LSM1: variants seen among roughly 807,000 people sequenced by gnomAD.
LSM1 encodes U6 snRNA-associated Sm-like protein LSm1.
A neutral mutation model predicts 18.0 loss-of-function variants in LSM1; 13 were observed. The ratio of observed to expected loss-of-function variants is 0.72; its 90% confidence interval spans 0.47 to 1.15. LSM1 has a LOEUF of 1.15. LSM1 is among the 50% of genes most tolerant of loss of function. LSM1 has a pLI of 0.00. For missense variants in LSM1, 152 were observed against 157.7 expected (o/e 0.96, Z 0.19); for synonymous variants, 46 against 56.0 (o/e 0.82, Z 0.80).
Position 38,176,470 on chromosome 8 carries a change from G to GGTT in LSM1, c.-151_-150insAAC. The GGTT allele has an allele frequency of 1.5e-6, 1 of 650,086 alleles. No homozygotes were observed. The highest frequency in any genetic ancestry group is 2.7e-6 in the Non-Finnish European group (1 of 373,566). The allele number at this position is 650,086 out of a possible 1,614,324, so 40.3% of individuals were successfully genotyped here. On this transcript the variant is annotated 5_prime_UTR_variant, in exon 1 of 4. Transcript: ENST00000311351. ...TCTGCCCCGGCTTTCAGCCGCCGGG[G>GGTT]GCTGCCGGAAGCTCCTCCATATTAC...
At chr8:38,169,425 G>A (rs1345309126) in intron 3 of LSM1, among the ~76,000 whole-genome samples, 1 of 152,052 alleles carries the variant, frequency 6.6e-6, no homozygotes, top group Non-Finnish European at 1.5e-5. Flanking sequence ...TTACTAATAT[G>A]GATATCACAT....
In LSM1 at chr8:38,172,033, T is replaced by G; in HGVS notation, c.47A>C (p.Lys16Thr). 3 of 1,606,712 alleles carry G rather than the reference T, an allele frequency of 1.9e-6. No individual in the cohort carries two copies. The highest frequency in any genetic ancestry group is 2.5e-6 in the Non-Finnish European group (3 of 1,177,092). The change falls in exon 2 of 4, where the codon AAA (lysine) becomes ACA (threonine). Residue 16 changes from lysine to threonine, a missense_variant and splice_region_variant. Physicochemically the swap from Lys to Thr is moderately conservative, Grantham distance 78 (BLOSUM62 -1). Coordinates refer to ENST00000311351, the MANE Select transcript of LSM1 (RefSeq NM_014462.3). ...ATCTCGAAGCAGAACCAAGTGCTTT[T>G]CTGGGGAGAGAGGAAAAAATCTTTT... ...GTASLIEDID[K>T]KHLVLLRDGR...
At chr8:38,175,885 G>C (rs1012300156) in intron 1 of LSM1, 4 of 177,696 alleles carry the variant, frequency 2.3e-5, no homozygotes, top group African/African-American at 9.5e-5. Context: ...CTCTCTCTAG[G>C]TATTCCGATC....
chr8:38,163,682 AAGAGT>A lies in LSM1; in HGVS notation c.385_389del (p.Thr129Ter), dbSNP rs769434967. The A allele has an allele frequency of 1.2e-6, 2 of 1,614,070 alleles. No homozygotes were observed. The highest frequency in any genetic ancestry group is 1.7e-6 in the Non-Finnish European group (2 of 1,180,032). ...TCTGGGCAAAAGATTAGTACTCATC[AAGAGT>A]ATCTGCTCGAGGAATGGAAAGACCT... On this transcript the variant is annotated frameshift_variant, in exon 4 of 4. Transcript: ENST00000311351. LOFTEE classifies it high-confidence loss of function.
intron 1 of LSM1, among the ~76,000 whole-genome samples, chr8:38,172,964 A>C (rs1585642493): frequency 1.3e-5 from 2 of 152,202 alleles, no homozygotes; most frequent in Admixed American, 1.3e-4. Context: ...AGGACAAATA[A>C]ATAAGAAAAT....
rs34880510 is a variant in LSM1 at position 38,168,591 on chromosome 8, C to CA, written c.231+1210dup. On this transcript the variant is annotated intron_variant, in intron 3 of 3. Coordinates refer to ENST00000311351, the MANE Select transcript of LSM1 (RefSeq NM_014462.3). ...GGGCAACAGGAGCAAAACTCTGTCC[C>CA]AAAAAAAAAAAAAAACCCAAAAAAC... Among the ~76,000 whole-genome samples, 517 of 100,258 alleles carry CA rather than the reference C, an allele frequency of 5.2e-3. 4 individuals are homozygous for CA. The highest frequency in any genetic ancestry group is 0.049 in the East Asian group (198 of 4,002). 65.8% of individuals were successfully genotyped at this position (100,258 alleles called of 152,430 possible). A position where few individuals can be genotyped will look rare whatever the true frequency, so the allele number is the denominator to read the frequency against.
At chr8:38,175,962 C>T (rs1158879788) in intron 1 of LSM1, 1 of 308,578 alleles carries the variant, frequency 3.2e-6, no homozygotes, top group Non-Finnish European at 6.0e-6. Context: ...AGAAGCCCCC[C>T]CCCTCCCCGG....
intron 1 of LSM1, among the ~76,000 whole-genome samples, chr8:38,172,315 T>TC: frequency 1.4e-5 from 2 of 146,160 alleles, no homozygotes; most frequent in Admixed American, 1.4e-4. Context: ...TTTTTTTTTT[T>TC]CCTTTTTTCT....
At chr8:38,176,554 G>T (rs1015122177), upstream of LSM1, 37 of 579,756 alleles carry the variant, frequency 6.4e-5, 1 homozygote, top group Middle Eastern at 4.4e-4. Context: ...CAGCCGTACC[G>T]TTGGGGGACA....
intron 3 of LSM1, among the ~76,000 whole-genome samples, chr8:38,165,013 C>G (rs568113793): frequency 1.8e-4 from 27 of 152,116 alleles, no homozygotes; most frequent in Non-Finnish European, 3.7e-4. Context: ...ATTTAGGTTA[C>G]TAAACCAATT....
chr8:38,176,112 T>C (rs1803134935), intron 1 of LSM1, 163 bp downstream of exon 1: 1 of 576,764 alleles, frequency 1.7e-6, no homozygotes, highest in Non-Finnish European at 3.1e-6. Flanking sequence ...GGGCAAGCGG[T>C]GTGTACCGCA....
intron 3 of LSM1, 110 bp from the exon 4 acceptor site, chr8:38,163,950 G>T: frequency 1.1e-6 from 1 of 935,488 alleles, no homozygotes; most frequent in Non-Finnish European, 1.6e-6. Flanking sequence ...TCATAACTGT[G>T]ACAGGAACTG....
intron 3 of LSM1, among the ~76,000 whole-genome samples, chr8:38,165,433 T>G (rs1243280571): frequency 6.6e-6 from 1 of 151,582 alleles, no homozygotes; most frequent in Non-Finnish European, 1.5e-5. Context: ...ATATGGAAAA[T>G]AGACAAACAA....
At chr8:38,167,004 T>A (rs1053957221) in intron 3 of LSM1, among the ~76,000 whole-genome samples, 2 of 152,210 alleles carry the variant, frequency 1.3e-5, no homozygotes, top group Non-Finnish European at 2.9e-5. Context: ...ACCAATATAG[T>A]GTTTACAGAA....
At chr8:38,173,076 T>C (rs1055788364) in intron 1 of LSM1, among the ~76,000 whole-genome samples, 6 of 152,206 alleles carry the variant, frequency 3.9e-5, no homozygotes, top group African/African-American at 1.2e-4. Context: ...AAAGCCTCTC[T>C]GAAGAGGTGA....
intron 1 of LSM1, 123 bp downstream of exon 1, chr8:38,176,152 G>A (rs952317487): frequency 1.1e-5 from 8 of 746,784 alleles, no homozygotes; most frequent in Admixed American, 2.5e-5. Flanking sequence ...CGGAACGCCC[G>A]GATTGAGCTC....
chr8:38,176,254 G>C lies in LSM1; in HGVS notation c.46+21C>G, dbSNP rs748742846. 5.6e-6 allele frequency: 9 copies of C among 1,611,744 alleles called. No individual in the cohort carries two copies. The South Asian group carries it at 7.7e-5, about 14-fold the overall frequency. ...GAAGGGTCTAACCCCGGGCTCCACC[G>C]GGAGGAGATAAACTACTCACTGTCA... On this transcript the variant is annotated intron_variant, in intron 1 of 3. Transcript: ENST00000311351.
At chr8:38,176,597 G>A, upstream of LSM1, 1 of 567,848 alleles carries the variant, frequency 1.8e-6, no homozygotes, top group South Asian at 2.5e-5. Context: ...TAGGTAAGAG[G>A]AAACTCCATT....
intron 3 of LSM1, among the ~76,000 whole-genome samples, chr8:38,167,339 C>G (rs1359272575): frequency 6.6e-6 from 1 of 152,166 alleles, no homozygotes; most frequent in African/African-American, 2.4e-5. Flanking sequence ...AAAACAGAAG[C>G]ATATCTGTGA....
Sources: allele counts gnomAD v4.1 joint callset (sites outside exome capture counted in the v4.1 genomes callset), GRCh38; gene constraint gnomAD v4.1.1; transcripts MANE v1.5; gene names NCBI Gene and HGNC (gene_info 2026-07-23, HGNC 2026-07-21).